Variants in MYO9A observed in about 807,000 individuals in gnomAD.
MYO9A encodes the protein unconventional myosin-IXa.
Under a neutral mutation model 293.3 loss-of-function variants are expected in MYO9A, and 103 were observed. The observed-to-expected ratio is 0.35, with a 90% CI of 0.30 to 0.41. The LOEUF is 0.41. Ranked by LOEUF, MYO9A falls within the 10% of genes least tolerant of loss-of-function variation. MYO9A has a pLI of 1.00. For missense variants in MYO9A, 2,685 were observed against 3,033.0 expected (o/e 0.89, Z 2.69); for synonymous variants, 1,001 against 1,035.7 (o/e 0.97, Z 0.64).
chr15:72,008,766 C>T lies in MYO9A; in HGVS notation c.1254-814G>A, dbSNP rs558361340. ...TCTGACATCTCAGAGGCATTTAACACAGCTAAACAATCCACTGAAAAACTC... is the reference window on the plus strand; with the variant it reads ...TCTGACATCTCAGAGGCATTTAACATAGCTAAACAATCCACTGAAAAACTC... On this transcript the variant is annotated intron_variant, in intron 7 of 41. Coordinates refer to ENST00000356056, the MANE Select transcript of MYO9A (RefSeq NM_006901.4). Among the ~76,000 whole-genome samples, 5 of 152,270 alleles carry T rather than the reference C, an allele frequency of 3.3e-5. No homozygotes were observed. The East Asian group carries it at 9.6e-4, about 29-fold the overall frequency.
chr15:71,894,577 C>CA (rs1404742133), intron 25 of MYO9A, among the ~76,000 whole-genome samples: 12 of 151,474 alleles, frequency 7.9e-5, no homozygotes, highest in South Asian at 2.1e-4. Context: ...GAAACTGTCT[C>CA]AAAAAAACCA....
rs1458894972 is a variant in MYO9A, at chr15:71,823,784, G to C, written c.*2796C>G. The C allele has an allele frequency of 6.6e-6, 1 of 152,204 alleles. No individual in the cohort carries two copies. Among genetic ancestry groups the C allele is most frequent in the Non-Finnish European group, 1.5e-5 (1 of 68,054 alleles). The allele number at this position is 152,204 out of a possible 1,614,324, so 9.4% of individuals were successfully genotyped here. A position where few individuals can be genotyped will look rare whatever the true frequency, so the allele number is the denominator to read the frequency against. ...TGTGAGAAGAGTGCTCTGCATTTTG[G>C]AGTATGGGCTCCAAATGTGGAGCTG... On this transcript the variant is annotated 3_prime_UTR_variant, in exon 42 of 42. Coordinates refer to ENST00000356056, the MANE Select transcript of MYO9A (RefSeq NM_006901.4).
At position 71,824,252 on chromosome 15, in the gene MYO9A, AT is replaced by A. The variant is rs2054379117; in HGVS notation, c.*2327del. 6.6e-6 allele frequency: 1 copy of A among 152,156 alleles called. No individual in the cohort carries two copies. The highest frequency in any genetic ancestry group is 2.1e-4 in the South Asian group (1 of 4,828). 9.4% of individuals were successfully genotyped at this position (152,156 alleles called of 1,614,324 possible). On this transcript the variant is annotated 3_prime_UTR_variant, in exon 42 of 42. Coordinates refer to ENST00000356056, the MANE Select transcript of MYO9A (RefSeq NM_006901.4). ...CTGGAGTTTCAGGTCCCTGAGAAAA[AT>A]TATAAAGTCTCTTAACATCCATCAC...
chr15:72,094,045 TA>T lies in MYO9A; in HGVS notation c.-72+23634del, dbSNP rs1448094506. On this transcript the variant is annotated intron_variant, in intron 1 of 41. Coordinates refer to ENST00000356056, the MANE Select transcript of MYO9A (RefSeq NM_006901.4). ...AAAACACAAAAATACAAAAAAAGGT[TA>T]AAAAAACATATAAGAAAGCCAGACA... is the stretch of plus-strand genomic sequence containing the variant. 3.4e-5 allele frequency among the ~76,000 whole-genome samples: 3 copies of T among 88,816 alleles called. 1 individual carries two copies. Among genetic ancestry groups the T allele is most frequent in the African/African-American group, 7.9e-5 (3 of 38,106 alleles). 58.3% of individuals were successfully genotyped at this position (88,816 alleles called of 152,430 possible). A position where few individuals can be genotyped will look rare whatever the true frequency, so the allele number is the denominator to read the frequency against.
At chr15:71,851,996 T>G in intron 36 of MYO9A, 136 bp downstream of exon 36, 7 of 1,038,538 alleles carry the variant, frequency 6.7e-6, no homozygotes, top group Non-Finnish European at 7.9e-6. Flanking sequence ...CTAGCCGTTT[T>G]GTATTCACTG....
intron 1 of MYO9A, among the ~76,000 whole-genome samples, chr15:72,059,958 T>A (rs2078832408): frequency 1.3e-5 from 2 of 152,180 alleles, no homozygotes; most frequent in African/African-American, 4.8e-5. Flanking sequence ...ATTTCCTTCT[T>A]TTGGAAAAAA....
At chr15:71,832,201 G>A (rs756481719) in intron 39 of MYO9A, among the ~76,000 whole-genome samples, 1 of 152,124 alleles carries the variant, frequency 6.6e-6, no homozygotes, top group East Asian at 1.9e-4. Flanking sequence ...GCTTGAACTC[G>A]AGAGGCAGAG....
chr15:71,859,605 T>A, intron 34 of MYO9A, 130 bp downstream of exon 34: 1 of 631,584 alleles, frequency 1.6e-6, no homozygotes, highest in Non-Finnish European at 2.8e-6. Context: ...ATATTTCTAC[T>A]GTGATTTGTG....
At chr15:71,973,823 G>A (rs982925201) in intron 12 of MYO9A, among the ~76,000 whole-genome samples, 5 of 152,236 alleles carry the variant, frequency 3.3e-5, no homozygotes, top group Admixed American at 3.3e-4. Flanking sequence ...TACTACAGCA[G>A]TGCTGAGAAG....
chr15:71,862,366 G>A, intron 33 of MYO9A, 134 bp downstream of exon 33: 1 of 674,182 alleles, frequency 1.5e-6, no homozygotes, highest in Non-Finnish European at 2.6e-6. Context: ...TAGGTGAAGA[G>A]AGTATAGCAA....
intron 1 of MYO9A, among the ~76,000 whole-genome samples, chr15:72,079,474 T>C (rs961022376): frequency 2.0e-5 from 3 of 152,092 alleles, no homozygotes; most frequent in Admixed American, 6.6e-5. Context: ...TATCTGAAGA[T>C]GAATATCGAA....
At chr15:71,860,969 CAAAAA>C (rs61030744) in intron 33 of MYO9A, among the ~76,000 whole-genome samples, 16 of 32,436 alleles carry the variant, frequency 4.9e-4, no homozygotes, top group South Asian at 1.4e-3. Flanking sequence ...TCCATCTCAC[CAAAAA>C]AAAAAAAAAA....
intron 15 of MYO9A, among the ~76,000 whole-genome samples, chr15:71,943,591 G>C (rs148467736): frequency 6.6e-6 from 1 of 151,992 alleles, no homozygotes; most frequent in African/African-American, 2.4e-5. Flanking sequence ...AGTTAAATAA[G>C]TTTTGCTAAA....
At chr15:71,949,849 G>T (rs187392399) in intron 15 of MYO9A, among the ~76,000 whole-genome samples, 2 of 152,050 alleles carry the variant, frequency 1.3e-5, no homozygotes, top group South Asian at 2.1e-4. Context: ...GTATGGTGGT[G>T]GTGGTGGTGG....
intron 12 of MYO9A, among the ~76,000 whole-genome samples, chr15:71,973,858 C>T (rs1349044081): frequency 6.6e-6 from 1 of 152,328 alleles, no homozygotes; most frequent in Admixed American, 6.5e-5. Context: ...ATTCCTCTTA[C>T]ACCTTCTCTC....
intron 18 of MYO9A, among the ~76,000 whole-genome samples, chr15:71,917,766 T>C (rs556779257): frequency 2.6e-5 from 4 of 152,288 alleles, no homozygotes; most frequent in South Asian, 2.1e-4. Context: ...GTAAACTATA[T>C]GTTATTTAAA....
At chr15:71,827,781 T>C (rs748326450) in intron 41 of MYO9A, 103 bp downstream of exon 41, 2 of 1,275,322 alleles carry the variant, frequency 1.6e-6, no homozygotes, top group African/African-American at 3.0e-5. Context: ...TTATTGCTGA[T>C]GTACAGTCAG....
At position 71,922,043 on chromosome 15, in the gene MYO9A, T is replaced by C. The variant is rs188159762; in HGVS notation, c.2563-5551A>G. 8.3e-4 allele frequency among the ~76,000 whole-genome samples: 126 copies of C among 152,290 alleles called. 5 individuals carry two copies. In the East Asian group the frequency reaches 0.022, roughly 27 times the overall value. The stretch of plus-strand genomic sequence containing the variant: ...TCCAAGCTGGAGTGCAGTGGCGCGA[T>C]CCTGGCTCACCGCAACCTCCGCCTC... On this transcript the variant is annotated intron_variant, in intron 18 of 41. Transcript: ENST00000356056.
intron 18 of MYO9A, among the ~76,000 whole-genome samples, chr15:71,922,445 T>G (rs928415117): frequency 2.6e-5 from 4 of 152,230 alleles, no homozygotes; most frequent in African/African-American, 9.6e-5. Context: ...TCTCACATAC[T>G]TATTTCTTTG....
Sources: gnomAD v4.1 joint callset for allele counts (sites outside exome capture counted in the v4.1 genomes callset) on GRCh38, gnomAD v4.1.1 for gene constraint, MANE v1.5 for transcripts, NCBI Gene and HGNC (gene_info 2026-07-23, HGNC 2026-07-21) for gene names.